MRPS28: variants seen among roughly 807,000 people sequenced by gnomAD.
The protein encoded by MRPS28 is small ribosomal subunit protein bS1m.
In MRPS28, 7 loss-of-function variants were observed where a neutral mutation model predicts 10.8. The ratio of observed to expected loss-of-function variants is 0.65; its 90% CI spans 0.37 to 1.22. MRPS28 has a LOEUF of 1.22. MRPS28 is among the 50% of genes most tolerant of loss of function. The probability of loss-of-function intolerance (pLI) is 0.02; values close to 1 mark genes in which losing one functional copy is unlikely to be tolerated. For synonymous variants in MRPS28, 121 were observed against 93.3 expected, an observed-to-expected ratio of 1.30 and a Z score of -1.71; for missense variants, 265 against 232.9, an observed-to-expected ratio of 1.14 and a Z score of -0.90.
intron 2 of MRPS28, among the ~76,000 whole-genome samples, chr8:79,974,323 G>A (rs1006736488): frequency 5.9e-5 from 9 of 152,016 alleles, no homozygotes; most frequent in East Asian, 1.9e-4. Flanking sequence ...GATGGATCAC[G>A]AGGTCAGGAG....
chr8:79,949,145 G>A (rs942051692), intron 2 of MRPS28, among the ~76,000 whole-genome samples: 40 of 152,074 alleles, frequency 2.6e-4, no homozygotes, highest in African/African-American at 8.5e-4. Context: ...GCTCGGTGCC[G>A]TGGCTCACAC....
At chr8:80,009,159 G>A (rs971660321) in intron 1 of MRPS28, among the ~76,000 whole-genome samples, 5 of 152,230 alleles carry the variant, frequency 3.3e-5, no homozygotes, top group Admixed American at 1.3e-4. Flanking sequence ...ATCATTCTCA[G>A]CAAACTATTG....
chr8:79,973,874 T>C (rs1459783502), intron 2 of MRPS28, among the ~76,000 whole-genome samples: 1 of 150,582 alleles, frequency 6.6e-6, no homozygotes, highest in Non-Finnish European at 1.5e-5. Flanking sequence ...AAGTGAAGAA[T>C]CTAAGCAGAT....
chr8:79,998,068 AG>A (rs889543238), intron 2 of MRPS28, among the ~76,000 whole-genome samples: 21 of 150,316 alleles, frequency 1.4e-4, no homozygotes, highest in Admixed American at 6.0e-4. Flanking sequence ...AAAAAAAAAA[AG>A]AAAGAAAGAA....
intron 2 of MRPS28, among the ~76,000 whole-genome samples, chr8:79,995,614 C>A (rs935068646): frequency 6.6e-6 from 1 of 152,096 alleles, no homozygotes; most frequent in Non-Finnish European, 1.5e-5. Flanking sequence ...AACAGGGAGT[C>A]GACATAGGCA....
chr8:79,950,983 A>G (rs1010440558), intron 2 of MRPS28, among the ~76,000 whole-genome samples: 1 of 152,154 alleles, frequency 6.6e-6, no homozygotes, highest in African/African-American at 2.4e-5. Flanking sequence ...TCTTCCTGGC[A>G]TGCCCCATTT....
At chr8:79,957,516 C>A (rs960397105) in intron 2 of MRPS28, 2 of 136,290 alleles carry the variant, frequency 1.5e-5, no homozygotes, top group African/African-American at 5.6e-5. Flanking sequence ...TCCAGACCAG[C>A]TTGAGCAACA....
In MRPS28 at chr8:79,958,166, C is replaced by G. The variant is rs953718173; in HGVS notation, c.396-39018G>C. ...CTGTACTCATTAGCAATCTCTCCCC[C>G]TCCCCTATTCTAGACTCTGGGGATG... On this transcript the variant is annotated intron_variant, in intron 2 of 2. Transcript: ENST00000276585. 2.6e-5 allele frequency: 13 copies of G among 493,022 alleles called. No individual in the cohort carries two copies. In the South Asian group the frequency reaches 4.0e-4, roughly 15 times the overall value. The allele number at this position is 493,022 out of a possible 1,614,324, so 30.5% of individuals were successfully genotyped here.
chr8:79,920,867 C>T (rs1176976872), intron 2 of MRPS28, among the ~76,000 whole-genome samples: 1 of 152,146 alleles, frequency 6.6e-6, no homozygotes, highest in Non-Finnish European at 1.5e-5. Context: ...CTTGCGCATG[C>T]CTATGTCCTG....
chr8:79,941,305 C>T (rs1806759756), intron 2 of MRPS28, among the ~76,000 whole-genome samples: 1 of 152,130 alleles, frequency 6.6e-6, no homozygotes, highest in Non-Finnish European at 1.5e-5. Flanking sequence ...GGTATTACAA[C>T]ATCTTGATCC....
chr8:80,029,632 G>T, intron 1 of MRPS28: 2 of 802,042 alleles, frequency 2.5e-6, no homozygotes, highest in Non-Finnish European at 3.5e-6. Context: ...CAGACAGCAA[G>T]CTCCATGCTA....
At chr8:79,985,607 C>T (rs1328758554) in intron 2 of MRPS28, among the ~76,000 whole-genome samples, 2 of 152,176 alleles carry the variant, frequency 1.3e-5, no homozygotes, top group Non-Finnish European at 1.5e-5. Flanking sequence ...ACCACCGATC[C>T]CACAGAAATA....
Position 79,919,069 on chromosome 8 carries a change from C to T in MRPS28, c.475G>A (p.Asp159Asn), listed in dbSNP as rs140920357. Residue 159 changes from aspartate to asparagine, a missense_variant, in exon 3 of 3, where the codon GAT becomes AAT. Physicochemically the swap from Asp to Asn is conservative, Grantham distance 23. Coordinates refer to ENST00000276585, the MANE Select transcript of MRPS28 (RefSeq NM_014018.3). Reference protein sequence around the residue: ...LTSRFLGATTDTTVLEANAVL... With the variant: ...LTSRFLGATTNTTVLEANAVL... ...GCATTAGCCTCTAGTACAGTTGTATCTGTTGTTGCTCCCAGGAACCTAGAC... is the reference window on the plus strand; with the variant it reads ...GCATTAGCCTCTAGTACAGTTGTATTTGTTGTTGCTCCCAGGAACCTAGAC... 6.2e-7 allele frequency: 1 copy of T among 1,611,702 alleles called. No individual in the cohort carries two copies. Among genetic ancestry groups the T allele is most frequent in the Non-Finnish European group, 8.5e-7 (1 of 1,178,946 alleles).
At chr8:79,984,297 C>A (rs1808077607) in intron 2 of MRPS28, among the ~76,000 whole-genome samples, 1 of 152,322 alleles carries the variant, frequency 6.6e-6, no homozygotes, top group South Asian at 2.1e-4. Flanking sequence ...AAAGGAACAA[C>A]CAGTACTAGC....
chr8:79,996,243 C>T (rs1029776897), intron 2 of MRPS28, among the ~76,000 whole-genome samples: 4 of 152,114 alleles, frequency 2.6e-5, no homozygotes, highest in African/African-American at 9.7e-5. Context: ...TAACATGAGG[C>T]ATACTGATAT....
intron 2 of MRPS28, among the ~76,000 whole-genome samples, chr8:79,970,342 T>A (rs1377796365): frequency 3.9e-5 from 6 of 152,170 alleles, no homozygotes; most frequent in Non-Finnish European, 7.4e-5. Flanking sequence ...AGAATTTTTT[T>A]AAAAATCAGT....
intron 2 of MRPS28, among the ~76,000 whole-genome samples, chr8:79,955,002 A>C (rs1807168096): frequency 1.3e-5 from 2 of 151,552 alleles, no homozygotes; most frequent in South Asian, 4.3e-4. Flanking sequence ...TCTCTTTAGA[A>C]AAAAAAAAGA....
At chr8:80,011,787 A>C (rs1809058956) in intron 1 of MRPS28, among the ~76,000 whole-genome samples, 1 of 152,240 alleles carries the variant, frequency 6.6e-6, no homozygotes, top group Admixed American at 6.5e-5. Context: ...AAAACAAAAC[A>C]AAACAAAAAA....
intron 2 of MRPS28, among the ~76,000 whole-genome samples, chr8:79,954,300 C>T (rs181324845): frequency 4.6e-4 from 70 of 152,192 alleles, no homozygotes; most frequent in African/African-American, 1.2e-3. Context: ...TCTAAACATA[C>T]GCATATCCTA....
Sources: gnomAD v4.1 joint callset for allele counts (sites outside exome capture counted in the v4.1 genomes callset) on GRCh38, gnomAD v4.1.1 for gene constraint, MANE v1.5 for transcripts, NCBI Gene and HGNC (gene_info 2026-07-23, HGNC 2026-07-21) for gene names.